RYK: variants seen among roughly 807,000 people sequenced by gnomAD.
RYK encodes inactive tyrosine-protein kinase RYK.
In RYK, 21 loss-of-function variants were observed where a neutral mutation model predicts 70.2. That is an observed-to-expected ratio of 0.30 (90% CI 0.21 to 0.43). The LOEUF (loss-of-function observed/expected upper bound fraction) is 0.43. Ranked by LOEUF, RYK falls within the 20% of genes least tolerant of loss-of-function variation. The pLI is 1.00. For synonymous variants in RYK, 267 were observed against 278.0 expected, an observed-to-expected ratio of 0.96 and a Z score of 0.39; for missense variants, 604 against 753.3, an observed-to-expected ratio of 0.80 and a Z score of 2.32.
At chr3:134,209,970 A>C (rs1258927923) in intron 3 of RYK, 141 bp from the exon 4 acceptor site, 2 of 657,930 alleles carry the variant, frequency 3.0e-6, no homozygotes, top group Non-Finnish European at 5.0e-6. Context: ...TAAAGTAACT[A>C]AACAAAAGTT....
At chr3:134,187,787 T>G (rs977896668) in intron 9 of RYK, among the ~76,000 whole-genome samples, 1 of 151,434 alleles carries the variant, frequency 6.6e-6, no homozygotes, top group Non-Finnish European at 1.5e-5. Context: ...CTTGAACTTA[T>G]GGACTCAAGC....
chr3:134,231,750 C>T (rs777441766), intron 1 of RYK, among the ~76,000 whole-genome samples: 31 of 152,168 alleles, frequency 2.0e-4, no homozygotes, highest in Non-Finnish European at 4.0e-4. Context: ...ATCGCCATGG[C>T]CACTTCAGAT....
chr3:134,189,847 A>G (rs1322126645), intron 8 of RYK, among the ~76,000 whole-genome samples: 1 of 151,948 alleles, frequency 6.6e-6, no homozygotes, highest in Non-Finnish European at 1.5e-5. Flanking sequence ...ATCCATCTAG[A>G]TTTTATTACC....
chr3:134,179,672 T>TTG (rs1040962732), intron 10 of RYK: 1 of 152,304 alleles, frequency 6.6e-6, no homozygotes, highest in African/African-American at 2.4e-5. Context: ...ACATGGGAGA[T>TTG]TACAGAGCTT....
intron 10 of RYK, chr3:134,181,133 T>C (rs1227380849): frequency 6.6e-6 from 1 of 152,252 alleles, no homozygotes; most frequent in African/African-American, 2.4e-5. Context: ...TGTGCTGAAG[T>C]GATGCAAACC....
intron 1 of RYK, among the ~76,000 whole-genome samples, chr3:134,237,015 G>A (rs1342386681): frequency 6.6e-6 from 1 of 152,062 alleles, no homozygotes; most frequent in Non-Finnish European, 1.5e-5. Flanking sequence ...AGAAAGCATG[G>A]CATTTTTTCA....
At position 134,178,038 on chromosome 3, in the gene RYK, T is replaced by C; in HGVS notation, c.1208A>G (p.Glu403Gly). 2.5e-6 allele frequency: 4 copies of C among 1,603,104 alleles called. No individual in the cohort carries two copies. The highest frequency in any genetic ancestry group is 2.2e-5 in the East Asian group (1 of 44,718). ...CAATATCACCATGGGCTTTTCTCCT[T>C]CTTCTATACACACATGAGTAATAGG... The part of the protein sequence containing the change: ...LLPITHVCIE[E>G]GEKPMVILPY... Residue 403 changes from glutamate (E) to glycine (G), a missense_variant, in exon 11 of 15, where the codon GAA becomes GGA. This residue lies in a region of RYK where 466 missense variants were observed against 535.9 expected (regional missense o/e 0.87). Coordinates refer to ENST00000623711, the MANE Select transcript of RYK (RefSeq NM_002958.4).
At chr3:134,230,496 T>G (rs1416636842) in intron 1 of RYK, among the ~76,000 whole-genome samples, 1 of 152,196 alleles carries the variant, frequency 6.6e-6, no homozygotes, top group East Asian at 1.9e-4. Context: ...TAATCAGCAA[T>G]GAAAATAAGA....
chr3:134,221,644 A>G (rs1433984388), intron 2 of RYK, among the ~76,000 whole-genome samples: 1 of 152,210 alleles, frequency 6.6e-6, no homozygotes, highest in Admixed American at 6.5e-5. Flanking sequence ...AAATATTATG[A>G]CAGACACTAC....
At chr3:134,180,218 C>T (rs1443234291) in intron 10 of RYK, 1 of 152,040 alleles carries the variant, frequency 6.6e-6, no homozygotes, top group Non-Finnish European at 1.5e-5. Context: ...GGCCAAACTA[C>T]AAGCAGAAAT....
At chr3:134,195,451 C>T (rs184562578) in intron 6 of RYK, 41 of 312,350 alleles carry the variant, frequency 1.3e-4, no homozygotes, top group African/African-American at 8.4e-4. Context: ...GACACCTCAG[C>T]TAATTGTCCT....
chr3:134,164,424 CA>C (rs2108141424), intron 13 of RYK, among the ~76,000 whole-genome samples: 1 of 152,288 alleles, frequency 6.6e-6, no homozygotes, highest in African/African-American at 2.4e-5. Flanking sequence ...TCCCTACCAC[CA>C]GCACTACCAT....
At chr3:134,246,303 TACACACACACACACACAC>T (rs71139521) in intron 1 of RYK, among the ~76,000 whole-genome samples, 1 of 89,198 alleles carries the variant, frequency 1.1e-5, no homozygotes, top group Non-Finnish European at 2.3e-5. Context: ...CAGAAAGAAA[TACACACACACACACACAC>T]ACACACACAC....
At chr3:134,203,231 C>T (rs1331327244) in intron 5 of RYK, among the ~76,000 whole-genome samples, 3 of 152,122 alleles carry the variant, frequency 2.0e-5, no homozygotes, top group Non-Finnish European at 2.9e-5. Context: ...ACCTGTAATC[C>T]TAGCTACTCA....
intron 1 of RYK, among the ~76,000 whole-genome samples, chr3:134,239,387 G>C (rs1252642144): frequency 6.6e-6 from 1 of 152,084 alleles, no homozygotes; most frequent in Non-Finnish European, 1.5e-5. Context: ...ACTTGAGTCT[G>C]GGAGATCAAA....
chr3:134,194,388 G>C (rs1560011101), intron 7 of RYK, among the ~76,000 whole-genome samples: 1 of 152,122 alleles, frequency 6.6e-6, no homozygotes, highest in South Asian at 2.1e-4. Context: ...TCTTTAGCCA[G>C]TGGAAGCTCT....
chr3:134,218,475 G>C (rs2014627773), intron 2 of RYK, among the ~76,000 whole-genome samples: 1 of 152,226 alleles, frequency 6.6e-6, no homozygotes, highest in South Asian at 2.1e-4. Context: ...AAGGGCACCT[G>C]ACACAGCTGG....
At chr3:134,246,431 C>G (rs1371726660) in intron 1 of RYK, among the ~76,000 whole-genome samples, 1 of 147,684 alleles carries the variant, frequency 6.8e-6, no homozygotes, top group East Asian at 2.0e-4. Context: ...TGAAAGGACC[C>G]ACTAAGGTAA....
At position 134,202,675 on chromosome 3, in the gene RYK, C is replaced by T. The variant is rs912708859; in HGVS notation, c.788+55G>A. 7.2e-6 allele frequency: 11 copies of T among 1,531,874 alleles called. No individual in the cohort carries two copies. The African/African-American group carries it at 1.1e-4, about 15-fold the overall frequency. 94.9% of individuals were successfully genotyped at this position (1,531,874 alleles called of 1,614,324 possible). The stretch of plus-strand genomic sequence containing the variant: ...GTGCATCGATGTGTATGGGCTCCCA[C>T]ATATATACAAATAACTGCTTTCATT... On this transcript the variant is annotated intron_variant, in intron 6 of 14. Transcript: ENST00000623711.
Sources: gnomAD v4.1 joint callset for allele counts (sites outside exome capture counted in the v4.1 genomes callset) on GRCh38, gnomAD v4.1.1 for gene constraint, gnomAD v4.1.1 regional missense constraint, MANE v1.5 for transcripts, NCBI Gene and HGNC (gene_info 2026-07-23, HGNC 2026-07-21) for gene names.